Variants in ARID5B observed in about 807,000 individuals in gnomAD.
ARID5B encodes AT-rich interactive domain-containing protein 5B.
Under a neutral mutation model 97.2 loss-of-function variants are expected in ARID5B, and 13 were observed. The observed-to-expected ratio is 0.13, with a 90% CI of 0.09 to 0.21. ARID5B has a LOEUF of 0.21. Among genes scored for constraint, ARID5B ranks in the 10% least tolerant of loss-of-function variants. The probability of loss-of-function intolerance (pLI) is 1.00; values close to 1 mark genes in which losing one functional copy is unlikely to be tolerated. For synonymous variants in ARID5B, 556 were observed against 570.3 expected (o/e 0.97, Z 0.36); for missense variants, 1,210 against 1,465.3 (o/e 0.83, Z 2.84).
intron 3 of ARID5B, among the ~76,000 whole-genome samples, chr10:61,990,186 T>C (rs1427429921): frequency 6.6e-6 from 1 of 152,216 alleles, no homozygotes; most frequent in African/African-American, 2.4e-5. Flanking sequence ...CCAGAAGCCC[T>C]GCGGTAAGGT....
intron 8 of ARID5B, among the ~76,000 whole-genome samples, chr10:62,075,054 G>A (rs1443080823): frequency 6.6e-6 from 1 of 152,200 alleles, no homozygotes; most frequent in Non-Finnish European, 1.5e-5. Flanking sequence ...CTTTCACCCA[G>A]GTCAGTGGAG....
chr10:61,959,349 G>T lies in ARID5B; in HGVS notation c.502+18941G>T, dbSNP rs540299404. On this transcript the variant is annotated intron_variant, in intron 3 of 9. Transcript: ENST00000279873. ...AAAACTTCTGTCACATCTCTGTCTG[G>T]GGAGTGAAGGTAGGGCAATTTTATC... Among the ~76,000 whole-genome samples, 9 of 152,202 alleles carry T rather than the reference G, an allele frequency of 5.9e-5. No individual in the cohort carries two copies. In the South Asian group the frequency reaches 1.9e-3, roughly 32 times the overall value.
At chr10:62,089,001 C>G (rs1382473937) in intron 9 of ARID5B, among the ~76,000 whole-genome samples, 1 of 152,184 alleles carries the variant, frequency 6.6e-6, no homozygotes, top group Non-Finnish European at 1.5e-5. Context: ...TGTTTTACAA[C>G]CCGAAGCATG....
At chr10:62,041,562 A>G (rs1839638158) in intron 4 of ARID5B, among the ~76,000 whole-genome samples, 1 of 152,238 alleles carries the variant, frequency 6.6e-6, no homozygotes, top group East Asian at 1.9e-4. Flanking sequence ...CTATCACTTG[A>G]TAACTGTTTC....
At chr10:61,930,722 A>AAAATTAAATAAATAAATAAAT (rs1844193785) in intron 2 of ARID5B, among the ~76,000 whole-genome samples, 1 of 140,358 alleles carries the variant, frequency 7.1e-6, no homozygotes, top group South Asian at 2.4e-4. Context: ...TCCGCCTCAA[A>AAAATTAAATAAATAAATAAAT]AAATAAATAA....
At chr10:61,941,580 G>A (rs1275680389) in intron 3 of ARID5B, among the ~76,000 whole-genome samples, 1 of 151,620 alleles carries the variant, frequency 6.6e-6, no homozygotes, top group Non-Finnish European at 1.5e-5. Context: ...ATTTTAATTG[G>A]CATAAAGAGA....
chr10:62,000,867 AGATAGAT>A lies in ARID5B; in HGVS notation c.733+552_733+558del, dbSNP rs1011688066. On this transcript the variant is annotated intron_variant, in intron 4 of 9. Transcript: ENST00000279873. This position sits in a 1 kb window ranked among gnomAD's most constrained non-coding sequence, Gnocchi z 4.4. ...TAGATAGATAGATAGATAGATAGAT[AGATAGAT>A]GATAGGTGATAGATATCCATGTCCT... 2.6e-5 allele frequency among the ~76,000 whole-genome samples: 4 copies of A among 151,548 alleles called. No homozygotes were observed. Among genetic ancestry groups the A allele is most frequent in the South Asian group, 2.1e-4 (1 of 4,800 alleles).
intron 4 of ARID5B, among the ~76,000 whole-genome samples, chr10:62,003,091 A>C (rs1839101513): frequency 1.3e-5 from 2 of 152,204 alleles, no homozygotes; most frequent in Admixed American, 6.5e-5. Context: ...TGATTGAATA[A>C]TGTTTATTTT....
chr10:61,948,296 G>A (rs529297206), intron 3 of ARID5B, among the ~76,000 whole-genome samples: 54 of 150,952 alleles, frequency 3.6e-4, no homozygotes, highest in African/African-American at 1.3e-3. Context: ...CAGTCGTCAG[G>A]CCTCTCTTTT....
At chr10:62,049,267 A>T in intron 4 of ARID5B, 1 of 1,419,296 alleles carries the variant, frequency 7.0e-7, no homozygotes, top group South Asian at 1.5e-5. Context: ...CATCCCACAC[A>T]CTCGGTGCTA....
At chr10:61,919,176 C>T (rs563692541) in intron 2 of ARID5B, among the ~76,000 whole-genome samples, 21 of 152,174 alleles carry the variant, frequency 1.4e-4, no homozygotes, top group African/African-American at 4.6e-4. Context: ...AAGTGCCCCA[C>T]CCTCCACCCT....
At chr10:61,916,107 G>A (rs958049557) in intron 2 of ARID5B, among the ~76,000 whole-genome samples, 2 of 152,214 alleles carry the variant, frequency 1.3e-5, no homozygotes, top group Non-Finnish European at 2.9e-5. Context: ...AGGCTGGAGT[G>A]CAAAGGCGTG....
Position 62,057,140 on chromosome 10 carries a change from C to G in ARID5B, c.870C>G (p.Ala290=). 6 of 1,613,592 alleles carry G rather than the reference C, an allele frequency of 3.7e-6. No individual in the cohort carries two copies. The highest frequency in any genetic ancestry group is 5.1e-6 in the Non-Finnish European group (6 of 1,179,748). The change falls in exon 6 of 10, where the codon GCC becomes GCG. Residue 290 remains alanine (A), a synonymous_variant. Transcript: ENST00000279873. The part of the protein sequence containing the change: ...VAKVKCEARS[A]LTKPKNNHNC... ...AGGTGAAATGTGAGGCCAGGTCAGC[C>G]TTGACCAAGCCGAAGAATAACCATA...
chr10:62,017,011 G>GA (rs1379795112), intron 4 of ARID5B, among the ~76,000 whole-genome samples: 2 of 152,146 alleles, frequency 1.3e-5, no homozygotes, highest in Admixed American at 6.5e-5. Context: ...CCTCTGAGCA[G>GA]AGAGAGTGAA....
chr10:62,004,945 T>C (rs562893356), intron 4 of ARID5B, among the ~76,000 whole-genome samples: 2 of 152,350 alleles, frequency 1.3e-5, no homozygotes, highest in African/African-American at 4.8e-5. Context: ...AGGTGTGTGG[T>C]ACTAAATGGC....
chr10:62,054,881 T>A (rs1839834956), intron 5 of ARID5B, among the ~76,000 whole-genome samples: 1 of 152,176 alleles, frequency 6.6e-6, no homozygotes, highest in South Asian at 2.1e-4. Context: ...AAACCATACA[T>A]GACCTCACTA....
intron 3 of ARID5B, among the ~76,000 whole-genome samples, chr10:61,962,794 A>G (rs1032347890): frequency 1.3e-5 from 2 of 152,206 alleles, no homozygotes; most frequent in African/African-American, 2.4e-5. Flanking sequence ...CCATCGACTA[A>G]CAGTGTTAGT....
chr10:62,010,975 A>T (rs936688046), intron 4 of ARID5B, among the ~76,000 whole-genome samples: 1 of 152,204 alleles, frequency 6.6e-6, no homozygotes, highest in African/African-American at 2.4e-5. Flanking sequence ...CTGGAATCAT[A>T]TCGGAAAGTG....
At chr10:62,014,787 A>G (rs1589258677) in intron 4 of ARID5B, among the ~76,000 whole-genome samples, 1 of 152,196 alleles carries the variant, frequency 6.6e-6, no homozygotes, top group Non-Finnish European at 1.5e-5. Context: ...GTGCATGCAA[A>G]CATAATAAAA....
Sources: allele counts gnomAD v4.1 joint callset (sites outside exome capture counted in the v4.1 genomes callset), GRCh38; gene constraint gnomAD v4.1.1; non-coding constraint Gnocchi (gnomAD v3.1); transcripts MANE v1.5; gene names NCBI Gene and HGNC (gene_info 2026-07-23, HGNC 2026-07-21).